Variants in SAMD8 observed in about 807,000 individuals in gnomAD.
SAMD8 encodes sterile alpha motif domain containing 8.
In SAMD8, 20 loss-of-function variants were observed where a neutral mutation model predicts 42.0. The observed-to-expected ratio is 0.48, with a 90% CI of 0.34 to 0.69. The LOEUF (loss-of-function observed/expected upper bound fraction) is 0.69. Ranked by LOEUF, SAMD8 falls within the 30% of genes least tolerant of loss-of-function variation. The probability of loss-of-function intolerance (pLI) is 0.01; values close to 1 mark genes in which losing one functional copy is unlikely to be tolerated. For missense variants in SAMD8, 328 were observed against 511.6 expected (o/e 0.64, Z 3.46); for synonymous variants, 162 against 173.0 (o/e 0.94, Z 0.50).
At chr10:75,111,616 C>T (rs1848769816), upstream of SAMD8, 1 of 1,248,106 alleles carries the variant, frequency 8.0e-7, no homozygotes, top group Non-Finnish European at 1.0e-6. Context: ...CCGCCCCCGC[C>T]GCTTGAGGCG....
chr10:75,176,375 G>C lies in SAMD8; in HGVS notation c.944-13G>C. 1 of 1,564,066 alleles carries C rather than the reference G, an allele frequency of 6.4e-7. No homozygotes were observed. The highest frequency in any genetic ancestry group is 1.4e-5 in the African/African-American group (1 of 73,184). On this transcript the variant is annotated splice_polypyrimidine_tract_variant and intron_variant, in intron 5 of 5. Coordinates refer to ENST00000542569, the MANE Select transcript of SAMD8 (RefSeq NM_001174156.2). The surrounding 1 kb of genome is among the most constrained non-coding windows in gnomAD (Gnocchi z 4.3). Reference sequence around the variant, plus strand: ...AATGTAGCTTTAAAATGATCTTTCTGTCCTTTTCCTAGATACACCAAGAAG... The same window carrying C: ...AATGTAGCTTTAAAATGATCTTTCTCTCCTTTTCCTAGATACACCAAGAAG...
chr10:75,119,804 T>G (rs10762658), intron 1 of SAMD8, among the ~76,000 whole-genome samples: 84,373 of 152,086 alleles, frequency 0.55, 25,278 homozygotes, highest in East Asian at 0.9. Context: ...GGTGACTCAC[T>G]CCTGTAATCT....
chr10:75,146,061 C>G (rs1293306476), intron 1 of SAMD8, among the ~76,000 whole-genome samples: 1 of 152,048 alleles, frequency 6.6e-6, no homozygotes, highest in Non-Finnish European at 1.5e-5. Flanking sequence ...ATCTCGTCTC[C>G]AGTATTGTGC....
chr10:75,142,253 TA>T (rs1249843832), intron 1 of SAMD8, among the ~76,000 whole-genome samples: 1 of 151,968 alleles, frequency 6.6e-6, no homozygotes, highest in Non-Finnish European at 1.5e-5. Context: ...CAGCCTTTGT[TA>T]TTGATTTCTG....
chr10:75,112,547 G>A (rs1848797396), intron 1 of SAMD8, among the ~76,000 whole-genome samples: 1 of 152,192 alleles, frequency 6.6e-6, no homozygotes, highest in Non-Finnish European at 1.5e-5. Flanking sequence ...GGAAGTAGTG[G>A]AGAGGAAGTG....
At chr10:75,117,768 CT>C (rs1415957094) in intron 1 of SAMD8, among the ~76,000 whole-genome samples, 9 of 152,304 alleles carry the variant, frequency 5.9e-5, no homozygotes, top group Middle Eastern at 3.4e-3. Flanking sequence ...TGTTAAACTG[CT>C]AGCCTGGTTA....
chr10:75,117,421 A>AC (rs1290201441), intron 1 of SAMD8, among the ~76,000 whole-genome samples: 1 of 139,838 alleles, frequency 7.2e-6, no homozygotes, highest in Non-Finnish European at 1.6e-5. Flanking sequence ...GCCCTATCTT[A>AC]AAAAAAAAAA....
intron 1 of SAMD8, among the ~76,000 whole-genome samples, chr10:75,114,304 C>T (rs1483571551): frequency 6.7e-6 from 1 of 149,222 alleles, no homozygotes; most frequent in East Asian, 2.0e-4. Flanking sequence ...CCACTGCACT[C>T]CAGCCTGGGC....
At chr10:75,117,577 C>T (rs549232076) in intron 1 of SAMD8, among the ~76,000 whole-genome samples, 11 of 152,028 alleles carry the variant, frequency 7.2e-5, no homozygotes, top group African/African-American at 2.2e-4. Context: ...ATTAGCTGGG[C>T]GTGGTGGCAC....
chr10:75,149,018 G>T (rs1840217390), intron 1 of SAMD8, among the ~76,000 whole-genome samples: 1 of 151,176 alleles, frequency 6.6e-6, no homozygotes, highest in Non-Finnish European at 1.5e-5. Flanking sequence ...TTCAAGCTGG[G>T]TAATAGGCAC....
rs1218166979 is a variant in SAMD8, at chr10:75,176,260, T to A, written c.943+44T>A. ...CTTCTATGCGTATTAGGTAACTAGC[T>A]GCAGTGAAGGCTGTGGGAAGGGTGT... On this transcript the variant is annotated intron_variant, in intron 5 of 5. Coordinates refer to ENST00000542569, the MANE Select transcript of SAMD8 (RefSeq NM_001174156.2). This position sits in a 1 kb window ranked among gnomAD's most constrained non-coding sequence, Gnocchi z 4.3. The A allele has an allele frequency of 6.2e-7, 1 of 1,613,890 alleles. No individual in the cohort carries two copies. The highest frequency in any genetic ancestry group is 8.5e-7 in the Non-Finnish European group (1 of 1,179,910).
intron 1 of SAMD8, among the ~76,000 whole-genome samples, chr10:75,144,886 T>C (rs1439974478): frequency 6.6e-6 from 1 of 152,160 alleles, no homozygotes; most frequent in Non-Finnish European, 1.5e-5. Flanking sequence ...CTTGAACTCA[T>C]AGGCTTAAGC....
upstream of SAMD8, among the ~76,000 whole-genome samples, chr10:75,111,062 C>G (rs1351763788): frequency 6.6e-6 from 1 of 152,250 alleles, no homozygotes; most frequent in African/African-American, 2.4e-5. Flanking sequence ...GTGATCCCGC[C>G]TCAGCCTCCC....
rs770111231 is a variant in SAMD8 at position 75,150,794 on chromosome 10, A to G, written c.266A>G (p.Asn89Ser). The change falls in exon 2 of 6, where the codon AAC (asparagine) becomes AGC (serine). Residue 89 changes from asparagine to serine, a missense_variant. By Grantham distance (46) the Asn-to-Ser change is conservative. This residue lies in a region of SAMD8 where 150 missense variants were observed against 186.0 expected (regional missense o/e 0.81). Transcript: ENST00000542569. The part of the protein sequence containing the change: ...HIDVLEEMGY[N>S]SDSPMGSMTP... Reference sequence around the variant, plus strand: ...GATGTTTTAGAAGAGATGGGCTACAACAGTGACAGTCCCATGGGTTCCATG... The same window carrying G: ...GATGTTTTAGAAGAGATGGGCTACAGCAGTGACAGTCCCATGGGTTCCATG... 2.5e-6 allele frequency: 4 copies of G among 1,614,206 alleles called. No homozygotes were observed. The highest frequency in any genetic ancestry group is 2.2e-5 in the East Asian group (1 of 44,888).
At position 75,182,118 on chromosome 10, in the gene SAMD8, G is replaced by A. The variant is rs772833367; in HGVS notation, c.*5426G>A. On this transcript the variant is annotated 3_prime_UTR_variant, in exon 6 of 6. Coordinates refer to ENST00000542569, the MANE Select transcript of SAMD8 (RefSeq NM_001174156.2). ...AACACTAAAAATAAAACATTTGAAA[G>A]TTGGATTACAGTTTCTTATTGAAAT... 4 of 152,144 alleles carry A rather than the reference G, an allele frequency of 2.6e-5. No homozygotes were observed. The highest frequency in any genetic ancestry group is 5.9e-5 in the Non-Finnish European group (4 of 68,028). 9.4% of individuals were successfully genotyped at this position (152,144 alleles called of 1,614,324 possible).
intron 1 of SAMD8, among the ~76,000 whole-genome samples, chr10:75,147,817 T>C (rs1488828945): frequency 6.6e-6 from 1 of 152,160 alleles, no homozygotes; most frequent in African/African-American, 2.4e-5. Context: ...AGCAAAATCA[T>C]ATTTCTAATG....
rs1006643908 is a variant in SAMD8, at chr10:75,180,732, A to G, written c.*4040A>G. ...CTGTCTCTGCCTGTGTGTTTTTACT[A>G]AGAATTCCAGAAATCCTGTAATTTG... is the stretch of plus-strand genomic sequence containing the variant. On this transcript the variant is annotated 3_prime_UTR_variant, in exon 6 of 6. Transcript: ENST00000542569. 5 of 152,194 alleles carry G rather than the reference A, an allele frequency of 3.3e-5. No individual in the cohort carries two copies. The highest frequency in any genetic ancestry group is 1.2e-4 in the African/African-American group (5 of 41,456). 9.4% of individuals were successfully genotyped at this position (152,194 alleles called of 1,614,324 possible). A position where few individuals can be genotyped will look rare whatever the true frequency, so the allele number is the denominator to read the frequency against.
chr10:75,108,720 A>G (rs533997643), upstream of SAMD8, among the ~76,000 whole-genome samples: 1 of 152,152 alleles, frequency 6.6e-6, no homozygotes, highest in East Asian at 1.9e-4. Context: ...CCCAAATACT[A>G]TTTCCTGGGC....
At chr10:75,166,706 G>GT (rs1446362345) in intron 3 of SAMD8, among the ~76,000 whole-genome samples, 3 of 152,200 alleles carry the variant, frequency 2.0e-5, no homozygotes, top group Non-Finnish European at 4.4e-5. Context: ...TTTAAAACAT[G>GT]TGTATCATTG....
Sources: allele counts gnomAD v4.1 joint callset (sites outside exome capture counted in the v4.1 genomes callset), GRCh38; gene constraint gnomAD v4.1.1; regional missense constraint gnomAD v4.1.1; non-coding constraint Gnocchi (gnomAD v3.1); transcripts MANE v1.5; gene names NCBI Gene and HGNC (gene_info 2026-07-23, HGNC 2026-07-21).